Variants in NRG1 observed in about 807,000 individuals in gnomAD.
The protein encoded by NRG1 is pro-neuregulin-1, membrane-bound isoform.
NRG1 carries 18 observed loss-of-function variants against 63.8 expected under a neutral mutation model. The observed-to-expected ratio is 0.28, with a 90% CI of 0.19 to 0.42. The LOEUF is 0.42. Among genes scored for constraint, NRG1 ranks in the 10% least tolerant of loss-of-function variants. NRG1 has a pLI of 1.00. For synonymous variants in NRG1, 302 were observed against 301.3 expected (o/e 1.00, Z -0.02); for missense variants, 762 against 814.7 (o/e 0.94, Z 0.79).
intron 1 of NRG1, among the ~76,000 whole-genome samples, chr8:32,252,569 C>A (rs899507119): frequency 1.3e-5 from 2 of 152,068 alleles, no homozygotes; most frequent in Non-Finnish European, 2.9e-5. Flanking sequence ...TGTTTTGGTA[C>A]CAGTACCATG....
intron 1 of NRG1, among the ~76,000 whole-genome samples, chr8:32,246,368 G>A (rs1227003506): frequency 6.6e-6 from 1 of 152,070 alleles, no homozygotes; most frequent in Non-Finnish European, 1.5e-5. Flanking sequence ...GCTTCCTCTT[G>A]GCTTAACAGT....
chr8:32,354,712 GTAAATAAATAAATAAA>G (rs10569340), intron 1 of NRG1, among the ~76,000 whole-genome samples: 8 of 142,450 alleles, frequency 5.6e-5, no homozygotes, highest in Admixed American at 1.4e-4. Context: ...CTTGTCTCTA[GTAAATAAATAAATAAA>G]TAAATAAATA....
chr8:32,442,387 T>TC, intron 1 of NRG1: 1 of 152,190 alleles, frequency 6.6e-6, no homozygotes, highest in East Asian at 1.9e-4. Flanking sequence ...CTTTGGCACT[T>TC]CCCACATCCT....
intron 1 of NRG1, among the ~76,000 whole-genome samples, chr8:32,574,465 AAT>A (rs1839238582): frequency 1.3e-5 from 2 of 152,074 alleles, no homozygotes; most frequent in Non-Finnish European, 2.9e-5. Flanking sequence ...TGTAATCTCC[AAT>A]ATTGGGGGTG....
intron 1 of NRG1, among the ~76,000 whole-genome samples, chr8:32,216,182 A>G (rs1429228643): frequency 6.7e-6 from 1 of 149,484 alleles, no homozygotes; most frequent in Admixed American, 6.8e-5. Context: ...ACAGTTATAC[A>G]TTTTATTGTG....
intron 6 of NRG1, among the ~76,000 whole-genome samples, chr8:32,732,900 C>A (rs143280432): frequency 0.031 from 4,618 of 150,750 alleles, 294 homozygotes; most frequent in East Asian, 0.28. Flanking sequence ...CTCTGCCTCC[C>A]AGGTTCAAGC....
intron 1 of NRG1, among the ~76,000 whole-genome samples, chr8:32,423,017 C>G (rs1225314378): frequency 6.6e-6 from 1 of 152,202 alleles, no homozygotes; most frequent in Non-Finnish European, 1.5e-5. Flanking sequence ...CCCAGTGACC[C>G]AGTACAAGTT....
Position 32,495,771 on chromosome 8 carries a change from T to C in NRG1, c.38-100057T>C, listed in dbSNP as rs556609984. 8.5e-5 allele frequency among the ~76,000 whole-genome samples: 13 copies of C among 152,266 alleles called. No individual in the cohort carries two copies. The South Asian group carries it at 2.7e-3, about 32-fold the overall frequency. ...GCCACTGTGCCCAGCCTGTTTGGTT[T>C]TGTTTTTGTTATTGTTTGTTTGTTT... On this transcript the variant is annotated intron_variant, in intron 1 of 10. Transcript: ENST00000519301.
At chr8:32,088,461 C>T (rs1251001183) in intron 1 of NRG1, among the ~76,000 whole-genome samples, 5 of 151,884 alleles carry the variant, frequency 3.3e-5, no homozygotes, top group Non-Finnish European at 7.3e-5. Context: ...AAATACCTTT[C>T]CTGAGCTTTT....
chr8:32,516,819 C>T (rs901086122), intron 1 of NRG1, among the ~76,000 whole-genome samples: 3 of 152,064 alleles, frequency 2.0e-5, no homozygotes, highest in Admixed American at 2.0e-4. Context: ...AGTCATAGTA[C>T]ATAAGAAGGT....
Position 31,640,788 on chromosome 8 carries a change from G to T in NRG1, c.37+1357G>T, listed in dbSNP as rs774784079. ...GGCGAGGAGGGCGCATCCCGGGCGC[G>T]CGGGCAGCGGGGCTCGACGGCCGCC... On this transcript the variant is annotated intron_variant, in intron 1 of 10. Transcript: ENST00000519301. The surrounding 1 kb of genome is among the most constrained non-coding windows in gnomAD (Gnocchi z 6.3). 10 of 1,439,282 alleles carry T rather than the reference G, an allele frequency of 6.9e-6. No individual in the cohort carries two copies. Among genetic ancestry groups the T allele is most frequent in the Middle Eastern group, 2.6e-4 (1 of 3,878 alleles). The allele number at this position is 1,439,282 out of a possible 1,614,324, so 89.2% of individuals were successfully genotyped here.
At chr8:32,452,693 G>GGGTA (rs35282492) in intron 1 of NRG1, among the ~76,000 whole-genome samples, 91,286 of 151,518 alleles carry the variant, frequency 0.6, 27,722 homozygotes, top group East Asian at 0.8. Flanking sequence ...GAAGTATAGA[G>GGGTA]GGTAATATTC....
At chr8:31,903,704 C>T (rs1311128035) in intron 1 of NRG1, among the ~76,000 whole-genome samples, 1 of 152,138 alleles carries the variant, frequency 6.6e-6, no homozygotes, top group African/African-American at 2.4e-5. Flanking sequence ...CGTGTAATCC[C>T]AGCCCTTCGG....
intron 5 of NRG1, among the ~76,000 whole-genome samples, chr8:32,659,515 C>T (rs976803098): frequency 1.3e-5 from 2 of 152,138 alleles, no homozygotes; most frequent in Non-Finnish European, 1.5e-5. Context: ...ATGAGCACTA[C>T]TAAATTAGTC....
intron 1 of NRG1, among the ~76,000 whole-genome samples, chr8:31,704,221 GTT>G (rs956063458): frequency 2.0e-5 from 3 of 152,120 alleles, no homozygotes; most frequent in African/African-American, 7.2e-5. Flanking sequence ...TGCTGTGAAT[GTT>G]TTAGCTTAAA....
chr8:32,590,185 C>G (rs868452195), intron 1 of NRG1, among the ~76,000 whole-genome samples: 11 of 152,302 alleles, frequency 7.2e-5, no homozygotes, highest in Middle Eastern at 6.8e-3. Context: ...ATTTGCATGT[C>G]TGTTTTAAAA....
At chr8:32,390,036 A>T (rs1811521827) in intron 1 of NRG1, among the ~76,000 whole-genome samples, 1 of 152,278 alleles carries the variant, frequency 6.6e-6, no homozygotes, top group South Asian at 2.1e-4. Flanking sequence ...CTGGGATTAC[A>T]GGCGTGAGCC....
At chr8:31,639,727 T>G (rs1803544738) in intron 1 of NRG1, 2 of 1,371,274 alleles carry the variant, frequency 1.5e-6, no homozygotes, top group Non-Finnish European at 1.9e-6. Context: ...GCGGCAGCGG[T>G]TTTTTTGCCT....
chr8:32,047,075 G>C (rs1018529854), intron 1 of NRG1, among the ~76,000 whole-genome samples: 1 of 151,912 alleles, frequency 6.6e-6, no homozygotes, highest in African/African-American at 2.4e-5. Flanking sequence ...TTGTGAATCT[G>C]TTCTCAGTGT....
Sources: allele counts gnomAD v4.1 joint callset (sites outside exome capture counted in the v4.1 genomes callset), GRCh38; gene constraint gnomAD v4.1.1; non-coding constraint Gnocchi (gnomAD v3.1); transcripts MANE v1.5; gene names NCBI Gene and HGNC (gene_info 2026-07-23, HGNC 2026-07-21).